The following KAZN variants were observed in gnomAD, a reference collection of about 807,000 sequenced individuals.
KAZN encodes the protein kazrin, periplakin interacting protein, also known as kazrin.
KAZN carries 40 observed loss-of-function variants against 87.4 expected under a neutral mutation model. The observed-to-expected ratio is 0.46, with a 90% CI of 0.36 to 0.60. The LOEUF is 0.60. Among genes scored for constraint, KAZN ranks in the 20% least tolerant of loss-of-function variants. The pLI, the probability that KAZN is intolerant of heterozygous loss-of-function variation, is 0.00. For synonymous variants in KAZN, 466 were observed against 458.3 expected, an observed-to-expected ratio of 1.02 and a Z score of -0.22; for missense variants, 898 against 1,073.9, an observed-to-expected ratio of 0.84 and a Z score of 2.29.
intron 1 of KAZN, among the ~76,000 whole-genome samples, chr1:14,857,851 C>T (rs1266352132): frequency 6.6e-6 from 1 of 152,024 alleles, no homozygotes; most frequent in African/African-American, 2.4e-5. Context: ...ATATACCATA[C>T]AATTCACCCA....
At chr1:14,055,153 A>G (rs1480568046) in intron 1 of KAZN, among the ~76,000 whole-genome samples, 1 of 152,212 alleles carries the variant, frequency 6.6e-6, no homozygotes, top group Non-Finnish European at 1.5e-5. Context: ...TGTAACCCAG[A>G]GTAAGTTATT....
chr1:15,009,053 G>A (rs976218629), intron 2 of KAZN, among the ~76,000 whole-genome samples: 32 of 152,200 alleles, frequency 2.1e-4, no homozygotes, highest in African/African-American at 7.2e-4. Flanking sequence ...ACACGAGCCC[G>A]CCCGCTGGGG....
intron 2 of KAZN, among the ~76,000 whole-genome samples, chr1:15,025,513 C>T (rs192024173): frequency 2.6e-5 from 4 of 152,364 alleles, no homozygotes; most frequent in South Asian, 2.1e-4. Context: ...GTTTCCCTCC[C>T]GTGCCATGGC....
rs557586639 is a variant in KAZN, at chr1:15,009,135, G to A, written c.419-25614G>A. On this transcript the variant is annotated intron_variant, in intron 2 of 14. Transcript: ENST00000376030. ...GGGGCCCAAGGGCACCAGGAAATTC[G>A]GGCAGCCTACTGCCCGGGCACTGAC... Among the ~76,000 whole-genome samples, 132 of 152,302 alleles carry A rather than the reference G, an allele frequency of 8.7e-4. 2 individuals are homozygous for A. The highest frequency in any genetic ancestry group is 5.2e-3 in the South Asian group (25 of 4,826).
intron 2 of KAZN, among the ~76,000 whole-genome samples, chr1:14,462,018 T>A (rs1219978415): frequency 6.6e-6 from 1 of 151,776 alleles, no homozygotes; most frequent in Non-Finnish European, 1.5e-5. Flanking sequence ...TCCATGAAAA[T>A]GGGAATATTT....
intron 2 of KAZN, among the ~76,000 whole-genome samples, chr1:14,420,098 G>A (rs1302973990): frequency 6.6e-6 from 1 of 152,130 alleles, no homozygotes; most frequent in Non-Finnish European, 1.5e-5. Flanking sequence ...CGTTTTGACA[G>A]GGTGCTGATT....
chr1:14,400,404 G>A (rs990157245), intron 2 of KAZN, among the ~76,000 whole-genome samples: 1 of 152,212 alleles, frequency 6.6e-6, no homozygotes. Context: ...AGTCTGCCAT[G>A]AAAATATGCA....
chr1:14,589,670 C>T (rs748959577), intron 2 of KAZN, among the ~76,000 whole-genome samples: 17 of 152,166 alleles, frequency 1.1e-4, no homozygotes, highest in Non-Finnish European at 2.2e-4. Flanking sequence ...AAAGATGGTG[C>T]ACCTTGTCAG....
At chr1:14,501,581 C>A (rs1466577748) in intron 2 of KAZN, among the ~76,000 whole-genome samples, 3 of 152,134 alleles carry the variant, frequency 2.0e-5, no homozygotes, top group Admixed American at 6.5e-5. Context: ...GGTATAAAGT[C>A]AACAACAGAG....
chr1:14,260,543 G>T (rs913580162), intron 2 of KAZN, among the ~76,000 whole-genome samples: 1 of 152,176 alleles, frequency 6.6e-6, no homozygotes, highest in Non-Finnish European at 1.5e-5. Flanking sequence ...TTAGGTCCAA[G>T]GTTACAGCTG....
intron 1 of KAZN, among the ~76,000 whole-genome samples, chr1:14,628,705 C>T (rs1401874245): frequency 6.6e-6 from 1 of 152,216 alleles, no homozygotes; most frequent in Admixed American, 6.5e-5. Context: ...GTGGGTCCCA[C>T]CGTCCCTGTT....
rs147991295 is a variant in KAZN, at chr1:14,613,692, T to C, written c.226+14469T>C. Reference sequence around the variant, plus strand: ...CAAGAAAAATAATTCATTGTGCCCATAGGCAGCAGGTTGGAGATGTGTGGA... The same window carrying C: ...CAAGAAAAATAATTCATTGTGCCCACAGGCAGCAGGTTGGAGATGTGTGGA... On this transcript the variant is annotated intron_variant, in intron 1 of 14. Coordinates refer to ENST00000376030, the MANE Select transcript of KAZN (RefSeq NM_201628.3). Among the ~76,000 whole-genome samples the C allele has an allele frequency of 2.9e-3, 435 of 152,332 alleles. 3 individuals carry two copies. The highest frequency in any genetic ancestry group is 0.01 in the African/African-American group (427 of 41,588).
At chr1:14,284,129 A>G (rs1490660815) in intron 2 of KAZN, among the ~76,000 whole-genome samples, 1 of 151,776 alleles carries the variant, frequency 6.6e-6, no homozygotes, top group Non-Finnish European at 1.5e-5. Flanking sequence ...GGAGCAAAGA[A>G]AATGAGGGGG....
chr1:14,430,222 A>G (rs1315703046), intron 2 of KAZN, among the ~76,000 whole-genome samples: 5 of 152,014 alleles, frequency 3.3e-5, no homozygotes, highest in African/African-American at 1.2e-4. Flanking sequence ...CCAAAAAAAA[A>G]AAAAAAAAAC....
chr1:14,972,493 C>G (rs894893853), intron 2 of KAZN, among the ~76,000 whole-genome samples: 3 of 151,558 alleles, frequency 2.0e-5, no homozygotes. Context: ...CAGGGGAATG[C>G]GCTGCTGACC....
At chr1:14,356,885 C>T (rs1659074727) in intron 2 of KAZN, among the ~76,000 whole-genome samples, 1 of 152,038 alleles carries the variant, frequency 6.6e-6, no homozygotes, top group Non-Finnish European at 1.5e-5. Context: ...GTTCTTTTTG[C>T]TTAGGATTGT....
intron 1 of KAZN, among the ~76,000 whole-genome samples, chr1:14,872,729 T>C (rs1451594956): frequency 1.3e-5 from 2 of 152,164 alleles, no homozygotes; most frequent in African/African-American, 4.8e-5. Flanking sequence ...CAGTAAGAAA[T>C]TATTGCATGG....
intron 1 of KAZN, among the ~76,000 whole-genome samples, chr1:14,901,445 A>G (rs1439030700): frequency 6.6e-6 from 1 of 152,056 alleles, no homozygotes; most frequent in East Asian, 1.9e-4. Context: ...TCCACCGAGC[A>G]ATGGGAAGCC....
At chr1:14,917,715 C>T (rs1166768890) in intron 1 of KAZN, among the ~76,000 whole-genome samples, 1 of 152,124 alleles carries the variant, frequency 6.6e-6, no homozygotes, top group African/African-American at 2.4e-5. Context: ...GGCCTCTCTG[C>T]TTCTAGAGAC....
Sources: allele counts gnomAD v4.1 joint callset (sites outside exome capture counted in the v4.1 genomes callset), GRCh38; gene constraint gnomAD v4.1.1; transcripts MANE v1.5; gene names NCBI Gene and HGNC (gene_info 2026-07-23, HGNC 2026-07-21).